C7orf33: variants seen among roughly 807,000 people sequenced by gnomAD.
C7orf33 encodes chromosome 7 open reading frame 33.
Under a neutral mutation model 13.4 loss-of-function variants are expected in C7orf33, and 15 were observed. The observed-to-expected ratio is 1.12, with a 90% confidence interval of 0.75 to 1.72. The LOEUF is 1.72. Among genes scored for constraint, C7orf33 ranks in the 40% most tolerant of loss-of-function variants. The probability of loss-of-function intolerance (pLI) is 0.00; values close to 1 mark genes in which losing one functional copy is unlikely to be tolerated. For synonymous variants in C7orf33, 73 were observed against 83.2 expected (o/e 0.88, Z 0.67); for missense variants, 187 against 220.3 (o/e 0.85, Z 0.96).
rs533413255 is a variant in C7orf33 at position 148,590,804 on chromosome 7, G to A, written c.-122G>A. 1.5e-4 allele frequency: 128 copies of A among 881,468 alleles called. 3 individuals carry two copies. The highest frequency in any genetic ancestry group is 1.3e-3 in the South Asian group (92 of 70,016). 54.6% of individuals were successfully genotyped at this position (881,468 alleles called of 1,614,324 possible). On this transcript the variant is annotated 5_prime_UTR_variant, in exon 1 of 3. Coordinates refer to ENST00000307003, the MANE Select transcript of C7orf33 (RefSeq NM_145304.4). ...CCAATCCAGTGGTCAGGAGCGAGGC[G>A]CCCAGCCTGTGTCTGAATCCTCCTA... is the stretch of plus-strand genomic sequence containing the variant.
At chr7:148,609,195 C>T (rs1796509915) in intron 1 of C7orf33, among the ~76,000 whole-genome samples, 1 of 151,900 alleles carries the variant, frequency 6.6e-6, no homozygotes, top group South Asian at 2.1e-4. Context: ...TAACTCCCAT[C>T]CCCCTGAGTA....
intron 1 of C7orf33, among the ~76,000 whole-genome samples, chr7:148,606,206 T>C (rs1248646680): frequency 6.6e-6 from 1 of 152,220 alleles, no homozygotes; most frequent in Non-Finnish European, 1.5e-5. Flanking sequence ...TTTTAGACAG[T>C]TACACTTTTC....
chr7:148,595,646 ATATAATATAGATCTATATTATATAG>A, intron 1 of C7orf33, among the ~76,000 whole-genome samples: 1 of 79,320 alleles, frequency 1.3e-5, no homozygotes, highest in African/African-American at 1.2e-4. Context: ...TATTATATAG[ATATAATATAGATCTATATTATATAG>A]ATATAATATA....
chr7:148,607,771 C>A (rs62507018), intron 1 of C7orf33, among the ~76,000 whole-genome samples: 3 of 152,158 alleles, frequency 2.0e-5, no homozygotes, highest in Non-Finnish European at 4.4e-5. Context: ...CACAAGAAAG[C>A]GTATCGGGTT....
rs1796595195 is a variant in C7orf33 at position 148,615,705 on chromosome 7, G to T, written c.*304G>T. 1 of 288,648 alleles carries T rather than the reference G, an allele frequency of 3.5e-6. No individual in the cohort carries two copies. The highest frequency in any genetic ancestry group is 6.8e-6 in the Non-Finnish European group (1 of 147,986). 17.9% of individuals were successfully genotyped at this position (288,648 alleles called of 1,614,324 possible). The stretch of plus-strand genomic sequence containing the variant: ...GGAGACGAAGATCCCCAGAGGACCT[G>T]GATAGAGATGTTTCCCTGACCATTG... On this transcript the variant is annotated 3_prime_UTR_variant, in exon 3 of 3. Coordinates refer to ENST00000307003, the MANE Select transcript of C7orf33 (RefSeq NM_145304.4).
chr7:148,607,389 G>A (rs943551934), intron 1 of C7orf33, among the ~76,000 whole-genome samples: 2 of 152,132 alleles, frequency 1.3e-5, no homozygotes, highest in Non-Finnish European at 2.9e-5. Context: ...GAGCTTTCCT[G>A]CATCTGTTTC....
chr7:148,608,613 G>A (rs1160979139), intron 1 of C7orf33, among the ~76,000 whole-genome samples: 2 of 148,134 alleles, frequency 1.4e-5, no homozygotes, highest in South Asian at 2.2e-4. Context: ...TCAGGAGATC[G>A]AGACCATCCT....
chr7:148,615,389 T>C lies in C7orf33; in HGVS notation c.522T>C (p.Thr174=). 1.9e-6 allele frequency: 3 copies of C among 1,611,660 alleles called. No homozygotes were observed. The highest frequency in any genetic ancestry group is 1.7e-6 in the Non-Finnish European group (2 of 1,177,754). Residue 174 remains threonine (T), a synonymous_variant, in exon 3 of 3, where the codon ACT becomes ACC. Transcript: ENST00000307003. ...TTGAGGCCACAAGGATTTCCAGAAC[T>C]GACAGCAGTTAAGAATTTTGCAGAA... ...NSVEATRISR[T]DSS
intron 1 of C7orf33, among the ~76,000 whole-genome samples, chr7:148,597,970 T>C (rs546188227): frequency 1.3e-5 from 2 of 152,296 alleles, no homozygotes; most frequent in South Asian, 4.1e-4. Flanking sequence ...TTAGCCAGGA[T>C]GATCTCGATC....
At chr7:148,603,862 T>C (rs773094830) in intron 1 of C7orf33, among the ~76,000 whole-genome samples, 28 of 152,046 alleles carry the variant, frequency 1.8e-4, no homozygotes, top group Non-Finnish European at 3.2e-4. Flanking sequence ...TTCAAGACAC[T>C]TTATAGAACT....
chr7:148,604,480 A>T (rs549765897), intron 1 of C7orf33, among the ~76,000 whole-genome samples: 1 of 152,288 alleles, frequency 6.6e-6, no homozygotes, highest in Admixed American at 6.5e-5. Context: ...CAAACATCAT[A>T]TGTTCTCACT....
intron 1 of C7orf33, among the ~76,000 whole-genome samples, chr7:148,598,520 A>G (rs1305189472): frequency 6.6e-6 from 1 of 151,806 alleles, no homozygotes; most frequent in Non-Finnish European, 1.5e-5. Context: ...TTACTATGAA[A>G]CAAACATCAG....
rs144047211 is a variant in C7orf33, at chr7:148,599,181, C to T, written c.204+8052C>T. Among the ~76,000 whole-genome samples, 144 of 152,082 alleles carry T rather than the reference C, an allele frequency of 9.5e-4. 1 individual carries two copies. The East Asian group carries it at 0.018, about 19-fold the overall frequency. On this transcript the variant is annotated intron_variant, in intron 1 of 2. Transcript: ENST00000307003. ...CCTGGCCAGGAATGAAATTATTGAGCCAGATGCAGAATGGTCTACTTTCTA... is the reference window on the plus strand; with the variant it reads ...CCTGGCCAGGAATGAAATTATTGAGTCAGATGCAGAATGGTCTACTTTCTA...
At chr7:148,609,098 A>G (rs1456553401) in intron 1 of C7orf33, among the ~76,000 whole-genome samples, 3 of 99,654 alleles carry the variant, frequency 3.0e-5, no homozygotes, top group African/African-American at 1.3e-4. Flanking sequence ...CAAAGACGTT[A>G]TTTTGAAAAA....
rs1796263157 is a variant in C7orf33 at position 148,591,051 on chromosome 7, G to A, written c.126G>A (p.Gly42=). ...ARRRIDLRLS[G]RAVAVWVHVR... ...GCCGGATTGACCTTCGCCTGAGTGG[G>A]AGGGCAGTCGCTGTTTGGGTCCACG... The change falls in exon 1 of 3, where the codon GGG becomes GGA. Residue 42 remains glycine, a synonymous_variant. Transcript: ENST00000307003. The A allele has an allele frequency of 6.2e-7, 1 of 1,614,050 alleles. No homozygotes were observed. Among genetic ancestry groups the A allele is most frequent in the Non-Finnish European group, 8.5e-7 (1 of 1,180,038 alleles).
chr7:148,603,534 G>A (rs2116896071), intron 1 of C7orf33, among the ~76,000 whole-genome samples: 1 of 152,242 alleles, frequency 6.6e-6, no homozygotes, highest in Non-Finnish European at 1.5e-5. Context: ...AGGAAGAAAG[G>A]TACTGTAGAG....
intron 1 of C7orf33, among the ~76,000 whole-genome samples, chr7:148,609,194 T>A (rs987058413): frequency 3.3e-5 from 5 of 151,282 alleles, no homozygotes; most frequent in Admixed American, 1.3e-4. Flanking sequence ...CTAACTCCCA[T>A]CCCCCTGAGT....
intron 1 of C7orf33, 77 bp downstream of exon 1, chr7:148,591,206 C>T (rs1439466339): frequency 1.1e-5 from 14 of 1,244,802 alleles, no homozygotes; most frequent in Admixed American, 1.8e-5. Flanking sequence ...TCACTCAATC[C>T]ATGAATGTTT....
In C7orf33 at chr7:148,613,235, G is replaced by A. The variant is rs1282083266; in HGVS notation, c.205-807G>A. Among the ~76,000 whole-genome samples the A allele has an allele frequency of 4.6e-5, 7 of 152,250 alleles. No individual in the cohort carries two copies. The East Asian group carries it at 1.3e-3, about 29-fold the overall frequency. On this transcript the variant is annotated intron_variant, in intron 1 of 2. Transcript: ENST00000307003. ...TTTCTTTTTAGCTTCCACATATAAA[G>A]GGAACATGTGGTATTTATCTTTCTG...
Sources: allele counts gnomAD v4.1 joint callset (sites outside exome capture counted in the v4.1 genomes callset), GRCh38; gene constraint gnomAD v4.1.1; transcripts MANE v1.5; gene names NCBI Gene and HGNC (gene_info 2026-07-23, HGNC 2026-07-21).